The following ZNF334 variants were observed in gnomAD, a reference collection of about 807,000 sequenced individuals.
ZNF334 encodes the protein zinc finger protein 334.
In ZNF334, 14 loss-of-function variants were observed where a neutral mutation model predicts 12.4. That is an observed-to-expected ratio of 1.13 (90% confidence interval 0.74 to 1.76). ZNF334 has a LOEUF of 1.76. Ranked by LOEUF, ZNF334 falls within the 40% of genes most tolerant of loss-of-function variation. ZNF334 has a pLI of 0.00. For missense variants in ZNF334, 797 were observed against 804.5 expected (o/e 0.99, Z 0.11); for synonymous variants, 273 against 269.6 (o/e 1.01, Z -0.12).
At chr20:46,469,034 A>G in the ZNF334 span, among the ~76,000 whole-genome samples, 1 of 152,184 alleles carries the variant, frequency 6.6e-6, no homozygotes, top group African/African-American at 2.4e-5. Context: ...GACAGTACTG[A>G]TTTCTCTAGA....
chr20:46,511,725 G>A (rs2061657484), intron 2 of ZNF334, among the ~76,000 whole-genome samples: 1 of 152,102 alleles, frequency 6.6e-6, no homozygotes, highest in African/African-American at 2.4e-5. Context: ...ACTGTGCTCT[G>A]CCTGGGTATA....
chr20:46,469,703 C>T, the ZNF334 span, among the ~76,000 whole-genome samples: 1 of 152,110 alleles, frequency 6.6e-6, no homozygotes, highest in African/African-American at 2.4e-5. Flanking sequence ...TTTTCTGGCT[C>T]TTTGCCGACT....
the ZNF334 span, among the ~76,000 whole-genome samples, chr20:46,477,729 T>C: frequency 4.4e-4 from 67 of 152,216 alleles, no homozygotes; most frequent in Non-Finnish European, 6.3e-4. Flanking sequence ...ATTGCTTATT[T>C]TTCTAATCCT....
the ZNF334 span, among the ~76,000 whole-genome samples, chr20:46,479,581 G>A: frequency 6.6e-6 from 1 of 152,138 alleles, no homozygotes; most frequent in Non-Finnish European, 1.5e-5. Flanking sequence ...ACAGATATCA[G>A]ACCCTGAAGG....
chr20:46,497,178 C>A (rs2061038777), downstream of ZNF334, among the ~76,000 whole-genome samples: 1 of 152,194 alleles, frequency 6.6e-6, no homozygotes, highest in African/African-American at 2.4e-5. Context: ...AACCAGACAC[C>A]TGATGGCAAG....
the ZNF334 span, among the ~76,000 whole-genome samples, chr20:46,466,927 T>C: frequency 6.6e-6 from 1 of 152,218 alleles, no homozygotes; most frequent in African/African-American, 2.4e-5. Flanking sequence ...AAACAAATCA[T>C]GTTTGTTGGA....
At chr20:46,481,810 A>T in the ZNF334 span, among the ~76,000 whole-genome samples, 1 of 152,222 alleles carries the variant, frequency 6.6e-6, no homozygotes, top group Non-Finnish European at 1.5e-5. Flanking sequence ...AGAAGAAAAT[A>T]GAAGGCCAGA....
At chr20:46,494,495 C>T in the ZNF334 span, among the ~76,000 whole-genome samples, 1 of 152,144 alleles carries the variant, frequency 6.6e-6, no homozygotes, top group African/African-American at 2.4e-5. Context: ...AAATAACAGA[C>T]ACATCAGTTT....
the ZNF334 span, among the ~76,000 whole-genome samples, chr20:46,468,305 T>G: frequency 6.6e-6 from 1 of 151,648 alleles, no homozygotes; most frequent in Non-Finnish European, 1.5e-5. Flanking sequence ...AGACGGAGTC[T>G]CGCTCTGTCG....
intron 2 of ZNF334, chr20:46,506,016 C>CACT (rs1233344652): frequency 4.6e-6 from 1 of 217,744 alleles, no homozygotes; most frequent in Non-Finnish European, 8.9e-6. Context: ...TTCACATGAT[C>CACT]AGCTGGGCTG....
chr20:46,500,644 C>G lies in ZNF334; in HGVS notation c.*652G>C, dbSNP rs2061124088. 6.6e-6 allele frequency: 1 copy of G among 152,212 alleles called. No individual in the cohort carries two copies. The highest frequency in any genetic ancestry group is 6.5e-5 in the Admixed American group (1 of 15,288). 9.4% of individuals were successfully genotyped at this position (152,212 alleles called of 1,614,324 possible). A position where few individuals can be genotyped will look rare whatever the true frequency, so the allele number is the denominator to read the frequency against. ...GTCTTCTTGACTTAGCTGAAAGCTT[C>G]AGGATCATGAACTAGTTATCCTGTG... On this transcript the variant is annotated 3_prime_UTR_variant, in exon 5 of 5. Transcript: ENST00000692313.
At chr20:46,462,716 T>G in the ZNF334 span, among the ~76,000 whole-genome samples, 1 of 152,226 alleles carries the variant, frequency 6.6e-6, no homozygotes, top group Non-Finnish European at 1.5e-5. Flanking sequence ...CACTGCTATA[T>G]TAACAACTAC....
chr20:46,512,171 T>G (rs1012301096), intron 1 of ZNF334, 31 bp from the exon 2 acceptor site: 1 of 1,569,034 alleles, frequency 6.4e-7, no homozygotes, highest in Non-Finnish European at 8.8e-7. Context: ...AATGGAATCA[T>G]GAGCGATTTG....
Position 46,502,139 on chromosome 20 carries a change from T to G in ZNF334, c.1200A>C (p.Thr400=), listed in dbSNP as rs150647055. 1.2e-6 allele frequency: 2 copies of G among 1,613,426 alleles called. No individual in the cohort carries two copies. Among genetic ancestry groups the G allele is most frequent in the Non-Finnish European group, 1.7e-6 (2 of 1,179,678 alleles). The change falls in exon 5 of 5, where the codon ACA becomes ACC. Residue 400 remains threonine (T), a synonymous_variant. Transcript: ENST00000692313. ...SALTAHQRIH[T]GEKPYECSEC... ...CACTACATTCATAGGGTTTTTCCCC[T>G]GTGTGAATTCTCTGATGCGCAGTAA... is the stretch of plus-strand genomic sequence containing the variant.
Position 46,512,763 on chromosome 20 carries a change from C to T in ZNF334, c.-262G>A, listed in dbSNP as rs2061698790. On this transcript the variant is annotated 5_prime_UTR_variant, in exon 1 of 5. Transcript: ENST00000692313. The stretch of plus-strand genomic sequence containing the variant: ...AAGGACCAGAATTCAGTTATTGGAT[C>T]TGTCACTAGCAAACTGCATTACTGA... 1 of 152,208 alleles carries T rather than the reference C, an allele frequency of 6.6e-6. No homozygotes were observed. Among genetic ancestry groups the T allele is most frequent in the Non-Finnish European group, 1.5e-5 (1 of 68,040 alleles). 9.4% of individuals were successfully genotyped at this position (152,208 alleles called of 1,614,324 possible). A position where few individuals can be genotyped will look rare whatever the true frequency, so the allele number is the denominator to read the frequency against.
chr20:46,489,395 G>T, the ZNF334 span, among the ~76,000 whole-genome samples: 1 of 152,088 alleles, frequency 6.6e-6, no homozygotes, highest in Non-Finnish European at 1.5e-5. Flanking sequence ...CAGGGTGGGT[G>T]TGGTGACTCA....
At chr20:46,490,959 G>A in the ZNF334 span, 1 of 152,544 alleles carries the variant, frequency 6.6e-6, no homozygotes, top group Non-Finnish European at 1.5e-5. Context: ...GATGACTGTG[G>A]CATGGCTTTT....
chr20:46,465,667 G>A, the ZNF334 span, among the ~76,000 whole-genome samples: 1 of 152,242 alleles, frequency 6.6e-6, no homozygotes, highest in Non-Finnish European at 1.5e-5. Flanking sequence ...CAAGGCTGTA[G>A]TGAGCTATGA....
intron 2 of ZNF334, 83 bp from the exon 3 acceptor site, chr20:46,504,823 C>T (rs2061375474): frequency 7.8e-7 from 1 of 1,284,812 alleles, no homozygotes; most frequent in Non-Finnish European, 1.1e-6. Flanking sequence ...AAGACCACTG[C>T]CATGGCTAAT....
Sources: allele counts gnomAD v4.1 joint callset (sites outside exome capture counted in the v4.1 genomes callset), GRCh38; gene constraint gnomAD v4.1.1; transcripts MANE v1.5; gene names NCBI Gene and HGNC (gene_info 2026-07-23, HGNC 2026-07-21).